The following ZDHHC17 variants were observed in gnomAD, a reference collection of about 807,000 sequenced individuals.
ZDHHC17 encodes palmitoyltransferase ZDHHC17.
ZDHHC17 carries 40 observed loss-of-function variants against 90.3 expected under a neutral mutation model. The observed-to-expected ratio is 0.44, with a 90% CI of 0.34 to 0.58. ZDHHC17 has a LOEUF of 0.58. Ranked by LOEUF, ZDHHC17 falls within the 20% of genes least tolerant of loss-of-function variation. ZDHHC17 has a pLI of 0.01. For synonymous variants in ZDHHC17, 235 were observed against 252.4 expected, an observed-to-expected ratio of 0.93 and a Z score of 0.65; for missense variants, 614 against 780.8, an observed-to-expected ratio of 0.79 and a Z score of 2.55.
chr12:76,764,678 A>G (rs1471474676), intron 1 of ZDHHC17: 1 of 511,350 alleles, frequency 2.0e-6, no homozygotes, highest in Admixed American at 2.3e-5. Context: ...TCTTGCTCCA[A>G]GCCTCTTGGG....
intron 10 of ZDHHC17, among the ~76,000 whole-genome samples, chr12:76,834,484 C>A (rs1953341022): frequency 6.6e-6 from 1 of 151,942 alleles, no homozygotes. Flanking sequence ...ATCTCCCATG[C>A]ATTCCCTCTT....
chr12:76,844,603 A>T (rs1276534619), intron 12 of ZDHHC17: 1 of 152,166 alleles, frequency 6.6e-6, no homozygotes, highest in Non-Finnish European at 1.5e-5. Flanking sequence ...AAGTGGGGAT[A>T]GAAGTTGTTT....
chr12:76,773,968 G>T (rs1952525388), intron 1 of ZDHHC17, among the ~76,000 whole-genome samples: 1 of 151,984 alleles, frequency 6.6e-6, no homozygotes, highest in African/African-American at 2.4e-5. Flanking sequence ...TATACTTCTG[G>T]CTGAGTGCGG....
chr12:76,842,868 T>C, intron 11 of ZDHHC17, 51 bp from the exon 12 acceptor site: 8 of 1,359,420 alleles, frequency 5.9e-6, no homozygotes, highest in Non-Finnish European at 8.2e-6. Flanking sequence ...GGCAAAAGAG[T>C]TGGTGAGCAT....
At chr12:76,819,253 T>C (rs1953130062) in intron 7 of ZDHHC17, among the ~76,000 whole-genome samples, 2 of 152,346 alleles carry the variant, frequency 1.3e-5, no homozygotes, top group South Asian at 4.1e-4. Context: ...CTTAGCCGTG[T>C]GAACTATTAA....
In ZDHHC17 at chr12:76,852,984, C is replaced by T. The variant is rs1953583059; in HGVS notation, c.*1999C>T. On this transcript the variant is annotated 3_prime_UTR_variant, in exon 17 of 17. Coordinates refer to ENST00000426126, the MANE Select transcript of ZDHHC17 (RefSeq NM_015336.4). ...TATTTTGAGCCACTTCACATGAAGACTCAGTTGCATTTTTATCGAATACAT... is the reference window on the plus strand; with the variant it reads ...TATTTTGAGCCACTTCACATGAAGATTCAGTTGCATTTTTATCGAATACAT... The T allele has an allele frequency of 6.6e-6, 1 of 152,460 alleles. No individual in the cohort carries two copies. Among genetic ancestry groups the T allele is most frequent in the Admixed American group, 6.5e-5 (1 of 15,274 alleles). 9.4% of individuals were successfully genotyped at this position (152,460 alleles called of 1,614,324 possible).
At chr12:76,789,908 C>A (rs1952740184) in intron 1 of ZDHHC17, among the ~76,000 whole-genome samples, 1 of 152,004 alleles carries the variant, frequency 6.6e-6, no homozygotes, top group South Asian at 2.1e-4. Flanking sequence ...GCCTAGGGAG[C>A]CATGATAACG....
At chr12:76,827,929 A>G (rs1953249067) in intron 9 of ZDHHC17, among the ~76,000 whole-genome samples, 1 of 152,142 alleles carries the variant, frequency 6.6e-6, no homozygotes, top group Non-Finnish European at 1.5e-5. Context: ...TAAGTTGGCC[A>G]GTTCATTCTA....
chr12:76,833,009 T>G (rs1281578550), intron 10 of ZDHHC17, among the ~76,000 whole-genome samples: 1 of 152,222 alleles, frequency 6.6e-6, no homozygotes, highest in Non-Finnish European at 1.5e-5. Context: ...GAGGATCAAC[T>G]GTATAAACTT....
intron 1 of ZDHHC17, among the ~76,000 whole-genome samples, chr12:76,769,687 G>A (rs1473833803): frequency 6.6e-6 from 1 of 151,954 alleles, no homozygotes; most frequent in East Asian, 1.9e-4. Flanking sequence ...ATTAAGCTTA[G>A]TAACTACTAT....
At chr12:76,783,778 T>C (rs1952655168) in intron 1 of ZDHHC17, among the ~76,000 whole-genome samples, 1 of 152,246 alleles carries the variant, frequency 6.6e-6, no homozygotes, top group Non-Finnish European at 1.5e-5. Flanking sequence ...GGAGGGATTA[T>C]TTTGGTTAGC....
intron 2 of ZDHHC17, among the ~76,000 whole-genome samples, chr12:76,800,759 A>G (rs1354255261): frequency 2.0e-5 from 3 of 151,990 alleles, no homozygotes; most frequent in South Asian, 4.2e-4. Context: ...TCTGTTGTAG[A>G]TAGCGTATAG....
At chr12:76,772,230 T>C (rs1187339886) in intron 1 of ZDHHC17, among the ~76,000 whole-genome samples, 1 of 152,220 alleles carries the variant, frequency 6.6e-6, no homozygotes, top group Non-Finnish European at 1.5e-5. Context: ...TTGGATTTGC[T>C]AGGCACTAGC....
intron 1 of ZDHHC17, among the ~76,000 whole-genome samples, chr12:76,777,078 A>G (rs749788231): frequency 1.6e-4 from 24 of 152,282 alleles, no homozygotes; most frequent in Non-Finnish European, 3.4e-4. Flanking sequence ...ATAGGATAGT[A>G]TATAATAGCA....
At chr12:76,801,770 C>A (rs889108097) in intron 2 of ZDHHC17, among the ~76,000 whole-genome samples, 3 of 152,144 alleles carry the variant, frequency 2.0e-5, no homozygotes, top group Non-Finnish European at 4.4e-5. Flanking sequence ...CTCATCTATA[C>A]GCTTTTTAGT....
chr12:76,780,052 A>G (rs1013636626), intron 1 of ZDHHC17, among the ~76,000 whole-genome samples: 4 of 152,122 alleles, frequency 2.6e-5, no homozygotes, highest in East Asian at 3.9e-4. Context: ...TACTATAGCT[A>G]TATAGTAGGT....
At position 76,788,688 on chromosome 12, in the gene ZDHHC17, ATTTTTT is replaced by A. The variant is rs763269507; in HGVS notation, c.94-8725_94-8720del. Among the ~76,000 whole-genome samples, 45 of 98,666 alleles carry A rather than the reference ATTTTTT, an allele frequency of 4.6e-4. 5 individuals are homozygous for A. The highest frequency in any genetic ancestry group is 1.2e-3 in the African/African-American group (30 of 25,134). The allele number at this position is 98,666 out of a possible 152,430, so 64.7% of individuals were successfully genotyped here. On this transcript the variant is annotated intron_variant, in intron 1 of 16. Transcript: ENST00000426126. ...AAAATATATTTAAGTTGGAATCGCA[ATTTTTT>A]TTTTTTTTTTTTTTTTTTTTGAGCA...
chr12:76,807,910 A>G (rs1952974038), intron 3 of ZDHHC17, among the ~76,000 whole-genome samples: 1 of 152,226 alleles, frequency 6.6e-6, no homozygotes, highest in Non-Finnish European at 1.5e-5. Context: ...TCAGCATTAT[A>G]TATAATGTTT....
At chr12:76,812,893 C>CT (rs1299183124) in intron 5 of ZDHHC17, among the ~76,000 whole-genome samples, 6 of 152,034 alleles carry the variant, frequency 3.9e-5, no homozygotes, top group Admixed American at 1.3e-4. Context: ...TTATGGAGCC[C>CT]TGTTGATCAT....
Sources: gnomAD v4.1 joint callset for allele counts (sites outside exome capture counted in the v4.1 genomes callset) on GRCh38, gnomAD v4.1.1 for gene constraint, MANE v1.5 for transcripts, NCBI Gene and HGNC (gene_info 2026-07-23, HGNC 2026-07-21) for gene names.